FGF7: variants seen among roughly 807,000 people sequenced by gnomAD.
FGF7 encodes the protein fibroblast growth factor 7.
FGF7 carries 6 observed loss-of-function variants against 20.5 expected under a neutral mutation model. That is an observed-to-expected ratio of 0.29 (90% confidence interval 0.16 to 0.58). The LOEUF is 0.58. Ranked by LOEUF, FGF7 falls within the 20% of genes least tolerant of loss-of-function variation. The pLI, the probability that FGF7 is intolerant of heterozygous loss-of-function variation, is 0.90. For synonymous variants in FGF7, 64 were observed against 74.7 expected (o/e 0.86, Z 0.74); for missense variants, 144 against 228.8 (o/e 0.63, Z 2.39).
chr15:49,426,475 T>C (rs534292071), intron 2 of FGF7, among the ~76,000 whole-genome samples: 1 of 152,034 alleles, frequency 6.6e-6, no homozygotes, highest in South Asian at 2.1e-4. Flanking sequence ...AGATGTAAAA[T>C]CCAGTGAAAA....
Position 49,484,379 on chromosome 15 carries a change from G to T in FGF7, c.460G>T (p.Ala154Ser), listed in dbSNP as rs768669418. 5 of 1,594,658 alleles carry T rather than the reference G, an allele frequency of 3.1e-6. No individual in the cohort carries two copies. The highest frequency in any genetic ancestry group is 4.2e-6 in the Non-Finnish European group (5 of 1,178,230). The change falls in exon 4 of 4, where the codon GCT (alanine) becomes TCT (serine). Residue 154 changes from alanine (A) to serine (S), a missense_variant. Ala to Ser is a moderately conservative substitution (Grantham distance 99). This residue lies in a region of FGF7 where 56 missense variants were observed against 125.4 expected (regional missense o/e 0.45). Transcript: ENST00000267843. ...LENHYNTYASAKWTHNGGEMF... is the reference protein window; with the variant it reads ...LENHYNTYASSKWTHNGGEMF... Reference sequence around the variant, plus strand: ...AAACCATTACAACACATATGCATCAGCTAAATGGACACACAACGGAGGGGA... The same window carrying T: ...AAACCATTACAACACATATGCATCATCTAAATGGACACACAACGGAGGGGA...
At chr15:49,434,223 T>C (rs944958609) in intron 2 of FGF7, among the ~76,000 whole-genome samples, 2 of 151,732 alleles carry the variant, frequency 1.3e-5, no homozygotes, top group Non-Finnish European at 1.5e-5. Context: ...TTGTAGGTGT[T>C]ACATAGTTTC....
At chr15:49,436,441 G>A (rs890660705) in intron 2 of FGF7, among the ~76,000 whole-genome samples, 1 of 151,524 alleles carries the variant, frequency 6.6e-6, no homozygotes, top group Non-Finnish European at 1.5e-5. Context: ...CTAAAAGACT[G>A]TGTAGAGGAA....
intron 2 of FGF7, among the ~76,000 whole-genome samples, chr15:49,449,267 A>G (rs971694782): frequency 6.6e-6 from 1 of 152,060 alleles, no homozygotes; most frequent in Non-Finnish European, 1.5e-5. Context: ...TATATGGAAT[A>G]AAGCAATCAT....
chr15:49,453,464 T>C (rs1183342494), intron 2 of FGF7, among the ~76,000 whole-genome samples: 1 of 152,088 alleles, frequency 6.6e-6, no homozygotes, highest in South Asian at 2.1e-4. Flanking sequence ...TCCTTCAAAA[T>C]CCAATGCATG....
At chr15:49,478,660 A>G (rs1036522449) in intron 2 of FGF7, among the ~76,000 whole-genome samples, 11 of 152,140 alleles carry the variant, frequency 7.2e-5, no homozygotes, top group African/African-American at 2.7e-4. Flanking sequence ...CACTGCCTCC[A>G]CTTTTTTTCC....
Position 49,486,458 on chromosome 15 carries a change from G to A in FGF7, c.*1954G>A, listed in dbSNP as rs917630739. Reference sequence around the variant, plus strand: ...GAGGAGGACTTAGTTTTTCATATGTGTTTCCTTAGTGCCTAGCAGACTATC... The same window carrying A: ...GAGGAGGACTTAGTTTTTCATATGTATTTCCTTAGTGCCTAGCAGACTATC... On this transcript the variant is annotated 3_prime_UTR_variant, in exon 4 of 4. Transcript: ENST00000267843. The A allele has an allele frequency of 3.3e-5, 5 of 151,948 alleles. No individual in the cohort carries two copies. Among genetic ancestry groups the A allele is most frequent in the African/African-American group, 1.2e-4 (5 of 41,400 alleles). The allele number at this position is 151,948 out of a possible 1,614,324, so 9.4% of individuals were successfully genotyped here. A position where few individuals can be genotyped will look rare whatever the true frequency, so the allele number is the denominator to read the frequency against.
Position 49,424,172 on chromosome 15 carries a change from C to T in FGF7, c.-126C>T. 1 of 812,774 alleles carries T rather than the reference C, an allele frequency of 1.2e-6. No individual in the cohort carries two copies. Among genetic ancestry groups the T allele is most frequent in the East Asian group, 2.5e-5 (1 of 40,292 alleles). 50.3% of individuals were successfully genotyped at this position (812,774 alleles called of 1,614,324 possible). A position where few individuals can be genotyped will look rare whatever the true frequency, so the allele number is the denominator to read the frequency against. On this transcript the variant is annotated 5_prime_UTR_variant, in exon 2 of 4. The change creates a premature stop within an existing upstream ORF in the 5' untranslated region. Coordinates refer to ENST00000267843, the MANE Select transcript of FGF7 (RefSeq NM_002009.4). ...GATAAGGCTAACAATTTGGAAAGAG[C>T]AACTACTCTTTCTTAAATCAATCTA...
chr15:49,463,233 A>C (rs1381089265), intron 2 of FGF7, among the ~76,000 whole-genome samples: 1 of 152,144 alleles, frequency 6.6e-6, no homozygotes, highest in African/African-American at 2.4e-5. Flanking sequence ...TAAACTTTTC[A>C]GTGGCTTACC....
intron 2 of FGF7, among the ~76,000 whole-genome samples, chr15:49,465,937 C>T (rs965034940): frequency 6.6e-6 from 1 of 152,160 alleles, no homozygotes; most frequent in African/African-American, 2.4e-5. Flanking sequence ...ATACAAATCC[C>T]TGTACCAAGT....
chr15:49,487,926 T>C lies in FGF7; in HGVS notation c.*3422T>C, dbSNP rs1473878485. 2.0e-5 allele frequency: 3 copies of C among 151,980 alleles called. No homozygotes were observed. The highest frequency in any genetic ancestry group is 1.3e-4 in the Admixed American group (2 of 15,218). The allele number at this position is 151,980 out of a possible 1,614,324, so 9.4% of individuals were successfully genotyped here. ...TACTCCACTGCCATTTACTTGAGCG[T>C]GAATGAGACACAAAAGATTATTTGC... On this transcript the variant is annotated 3_prime_UTR_variant, in exon 4 of 4. Coordinates refer to ENST00000267843, the MANE Select transcript of FGF7 (RefSeq NM_002009.4).
intron 2 of FGF7, among the ~76,000 whole-genome samples, chr15:49,474,772 C>T (rs1349430194): frequency 2.0e-5 from 3 of 151,962 alleles, no homozygotes; most frequent in Non-Finnish European, 2.9e-5. Context: ...CTCATAGGAG[C>T]GTGAACCCTA....
chr15:49,428,962 C>A (rs1224712364), intron 2 of FGF7, among the ~76,000 whole-genome samples: 1 of 151,978 alleles, frequency 6.6e-6, no homozygotes, highest in African/African-American at 2.4e-5. Context: ...GCTACAAAAC[C>A]TTCAGCGACT....
At chr15:49,450,476 G>C (rs775202051) in intron 2 of FGF7, among the ~76,000 whole-genome samples, 10 of 151,898 alleles carry the variant, frequency 6.6e-5, no homozygotes, top group African/African-American at 2.4e-4. Context: ...TACACCATTA[G>C]AGAGCCATTT....
intron 2 of FGF7, among the ~76,000 whole-genome samples, chr15:49,456,046 T>A (rs759431134): frequency 6.6e-6 from 1 of 152,150 alleles, no homozygotes; most frequent in Admixed American, 6.5e-5. Context: ...TGTGACCGCA[T>A]ATTGGTGCCA....
In FGF7 at chr15:49,424,341, A is replaced by G. The variant is rs772911643; in HGVS notation, c.44A>G (p.Tyr15Cys). ...ILTWILPTLL[Y>C]RSCFHIICLV... Reference sequence around the variant, plus strand: ...ACATGGATCCTGCCAACTTTGCTCTACAGATCATGCTTTCACATTATCTGT... The same window carrying G: ...ACATGGATCCTGCCAACTTTGCTCTGCAGATCATGCTTTCACATTATCTGT... The change falls in exon 2 of 4, where the codon TAC becomes TGC. Residue 15 changes from tyrosine (Y) to cysteine (C), a missense_variant. This residue lies in a region of FGF7 where 88 missense variants were observed against 103.4 expected (regional missense o/e 0.85). Coordinates refer to ENST00000267843, the MANE Select transcript of FGF7 (RefSeq NM_002009.4). 5.0e-6 allele frequency: 8 copies of G among 1,613,634 alleles called. No homozygotes were observed. The East Asian group carries it at 1.6e-4, about 31-fold the overall frequency.
rs1029434840 is a variant in FGF7 at position 49,486,951 on chromosome 15, G to A, written c.*2447G>A. 11 of 151,842 alleles carry A rather than the reference G, an allele frequency of 7.2e-5. No individual in the cohort carries two copies. Among genetic ancestry groups the A allele is most frequent in the Non-Finnish European group, 1.0e-4 (7 of 67,876 alleles). 9.4% of individuals were successfully genotyped at this position (151,842 alleles called of 1,614,324 possible). A position where few individuals can be genotyped will look rare whatever the true frequency, so the allele number is the denominator to read the frequency against. On this transcript the variant is annotated 3_prime_UTR_variant, in exon 4 of 4. Coordinates refer to ENST00000267843, the MANE Select transcript of FGF7 (RefSeq NM_002009.4). ...GAGATTTTGATACACCTAAGGTCAC[G>A]CAGCTGGGTAGATATACAGCTGTCA...
At chr15:49,438,405 C>G (rs1391932881) in intron 2 of FGF7, among the ~76,000 whole-genome samples, 1 of 151,740 alleles carries the variant, frequency 6.6e-6, no homozygotes, top group Non-Finnish European at 1.5e-5. Flanking sequence ...ATATCCATTG[C>G]TTTGTTCCAC....
chr15:49,462,395 C>CT (rs1347622992), intron 2 of FGF7, among the ~76,000 whole-genome samples: 5 of 152,086 alleles, frequency 3.3e-5, no homozygotes. Context: ...AATCACAATG[C>CT]TTTTTCCCCT....
Sources: gnomAD v4.1 joint callset for allele counts (sites outside exome capture counted in the v4.1 genomes callset) on GRCh38, gnomAD v4.1.1 for gene constraint, gnomAD v4.1.1 regional missense constraint, MANE v1.5 for transcripts, NCBI Gene and HGNC (gene_info 2026-07-23, HGNC 2026-07-21) for gene names.